Variants in DMD observed in about 807,000 individuals in gnomAD.
DMD encodes dystrophin, also known as mutant dystrophin.
Under a neutral mutation model 330.1 loss-of-function variants are expected in DMD, and 63 were observed. The observed-to-expected ratio is 0.19, with a 90% CI of 0.16 to 0.24. The LOEUF is 0.24. Among genes scored for constraint, DMD ranks in the 10% least tolerant of loss-of-function variants. The probability of loss-of-function intolerance (pLI) is 1.00; values close to 1 mark genes in which losing one functional copy is unlikely to be tolerated. For synonymous variants in DMD, 1,223 were observed against 959.8 expected (o/e 1.27, Z -5.07); for missense variants, 3,344 against 2,684.1 (o/e 1.25, Z -5.43).
At chrX:33,241,996 A>G (rs1374350214) in intron 1 of DMD, among the ~76,000 whole-genome samples, 2 of 111,920 alleles carry the variant, frequency 1.8e-5, no homozygotes, top group African/African-American at 3.3e-5. Flanking sequence ...TCCTGACCTC[A>G]GGTGATCCGC....
chrX:32,233,601 T>G (rs190774856), intron 43 of DMD, among the ~76,000 whole-genome samples: 1 of 58,621 alleles, frequency 1.7e-5, no homozygotes, highest in Admixed American at 1.6e-4. Context: ...TCTTTTTCTT[T>G]TATTTATTTA....
intron 22 of DMD, 103 bp downstream of exon 22, chrX:32,472,061 T>C: frequency 9.7e-7 from 1 of 1,031,535 alleles, no homozygotes; most frequent in Admixed American, 2.2e-5. Context: ...CAAACTACCA[T>C]ACTTGTCAGA....
chrX:32,176,061 G>T lies in DMD; in HGVS notation c.6438+40855C>A, dbSNP rs1444432647. ...CATACAAAGCTAGTTCATTTTTAAG[G>T]TCTTTGCATAAGCTGTCCCTTGTGC... On this transcript the variant is annotated intron_variant, in intron 44 of 78. Transcript: ENST00000357033. Among the ~76,000 whole-genome samples the T allele has an allele frequency of 2.7e-5, 3 of 111,316 alleles. No individual in the cohort carries two copies. In the Admixed American group the frequency reaches 2.9e-4, roughly 11 times the overall value.
At chrX:31,632,958 G>A in intron 54 of DMD, among the ~76,000 whole-genome samples, 1 of 111,675 alleles carries the variant, frequency 9.0e-6, no homozygotes, top group Non-Finnish European at 1.9e-5. Context: ...ACATTGCCTG[G>A]ATTAGTAGTC....
chrX:31,737,718 AT>A (rs1174501110), intron 51 of DMD, among the ~76,000 whole-genome samples: 2 of 110,879 alleles, frequency 1.8e-5, no homozygotes, highest in Non-Finnish European at 3.8e-5. Flanking sequence ...TATAAAAAAA[AT>A]AATAATAATG....
chrX:31,882,717 T>G (rs1020274182), intron 47 of DMD, among the ~76,000 whole-genome samples: 2 of 112,203 alleles, frequency 1.8e-5, no homozygotes, highest in Non-Finnish European at 3.8e-5. Context: ...GCATAATGAC[T>G]TCACATAAGA....
intron 48 of DMD, among the ~76,000 whole-genome samples, chrX:31,850,974 C>T (rs1243615613): frequency 8.9e-6 from 1 of 112,302 alleles, no homozygotes; most frequent in African/African-American, 3.2e-5. Flanking sequence ...TAGCAAGAAA[C>T]AAAATATGAA....
At chrX:32,919,461 C>T (rs1337666201) in intron 2 of DMD, among the ~76,000 whole-genome samples, 2 of 112,093 alleles carry the variant, frequency 1.8e-5, no homozygotes, top group African/African-American at 6.5e-5. Context: ...TCCTTGCACT[C>T]ATGCCATAAA....
chrX:32,181,609 T>C (rs1433732856), intron 44 of DMD, among the ~76,000 whole-genome samples: 2 of 111,782 alleles, frequency 1.8e-5, no homozygotes, highest in Non-Finnish European at 3.8e-5. Context: ...CTAAAAATAA[T>C]TGCTTTGACA....
chrX:32,528,292 G>A (rs1192060440), intron 17 of DMD, among the ~76,000 whole-genome samples: 17 of 110,146 alleles, frequency 1.5e-4, no homozygotes, highest in Admixed American at 6.9e-4. Flanking sequence ...CTGGGCAACA[G>A]AACGAGACTC....
At chrX:32,984,057 C>T (rs1796760089) in intron 2 of DMD, among the ~76,000 whole-genome samples, 1 of 111,065 alleles carries the variant, frequency 9.0e-6, no homozygotes, top group African/African-American at 3.3e-5. Context: ...CCTTCCCTGC[C>T]AGCTAAAGAA....
At chrX:33,287,273 T>A (rs1247236018) in intron 1 of DMD, among the ~76,000 whole-genome samples, 2 of 111,303 alleles carry the variant, frequency 1.8e-5, no homozygotes, top group East Asian at 5.7e-4. Flanking sequence ...TTTTAACGTT[T>A]TGGACTGATA....
chrX:31,317,469 T>C (rs1036682711), intron 62 of DMD, among the ~76,000 whole-genome samples: 3 of 110,725 alleles, frequency 2.7e-5, no homozygotes, highest in African/African-American at 9.9e-5. Flanking sequence ...ACTTGTATCA[T>C]TCTTAGAAGA....
At chrX:31,922,029 G>A (rs1033817202) in intron 47 of DMD, among the ~76,000 whole-genome samples, 20 of 111,612 alleles carry the variant, frequency 1.8e-4, no homozygotes, top group African/African-American at 5.9e-4. Flanking sequence ...TGTTGGTTGC[G>A]TTGGGTCTCA....
At chrX:31,242,700 ATGTGTGTGTGTGTG>A (rs3138883) in intron 63 of DMD, among the ~76,000 whole-genome samples, 1 of 95,098 alleles carries the variant, frequency 1.1e-5, no homozygotes, top group African/African-American at 3.9e-5. Flanking sequence ...ACAATAAGAT[ATGTGTGTGTGTGTG>A]TGTGTGTGTG....
intron 30 of DMD, among the ~76,000 whole-genome samples, chrX:32,407,985 A>T (rs1405097170): frequency 2.1e-5 from 1 of 47,962 alleles, no homozygotes; most frequent in African/African-American, 8.9e-5. Context: ...GGGTGGGGGG[A>T]GGGGGGAGGG....
At chrX:32,261,563 T>C (rs1434112246) in intron 43 of DMD, among the ~76,000 whole-genome samples, 1 of 112,172 alleles carries the variant, frequency 8.9e-6, no homozygotes, top group African/African-American at 3.2e-5. Flanking sequence ...GTGGTGGTGC[T>C]ATTGACTTGG....
chrX:31,836,591 G>A (rs1417426389), intron 49 of DMD, 127 bp downstream of exon 49: 1 of 569,557 alleles, frequency 1.8e-6, no homozygotes, highest in Non-Finnish European at 3.1e-6. Flanking sequence ...TGCTATTACA[G>A]TATGGCCAGT....
intron 1 of DMD, among the ~76,000 whole-genome samples, chrX:33,223,143 G>A (rs1014885392): frequency 2.7e-5 from 3 of 110,832 alleles, no homozygotes; most frequent in Non-Finnish European, 5.7e-5. Flanking sequence ...AGCCCCGTCT[G>A]TACTAAAAAC....
Sources: allele counts gnomAD v4.1 joint callset (sites outside exome capture counted in the v4.1 genomes callset), GRCh38; gene constraint gnomAD v4.1.1; transcripts MANE v1.5; gene names NCBI Gene and HGNC (gene_info 2026-07-23, HGNC 2026-07-21).